PPP2R2B: variants seen among roughly 807,000 people sequenced by gnomAD.
The protein encoded by PPP2R2B is serine/threonine-protein phosphatase 2A 55 kDa regulatory subunit B beta isoform.
In PPP2R2B, 5 loss-of-function variants were observed where a neutral mutation model predicts 46.0. The observed-to-expected ratio is 0.11, with a 90% CI of 0.06 to 0.23. The LOEUF is 0.23. Ranked by LOEUF, PPP2R2B falls within the 10% of genes least tolerant of loss-of-function variation. The pLI is 1.00. For missense variants in PPP2R2B, 367 were observed against 575.0 expected (o/e 0.64, Z 3.70); for synonymous variants, 215 against 206.7 (o/e 1.04, Z -0.34).
At chr5:146,676,871 T>C (rs1777758956) in intron 5 of PPP2R2B, among the ~76,000 whole-genome samples, 2 of 152,194 alleles carry the variant, frequency 1.3e-5, no homozygotes, top group Non-Finnish European at 2.9e-5. Context: ...ATGTTCTTAA[T>C]TGGTTTGACC....
At chr5:146,590,749 G>A (rs565551536) in intron 9 of PPP2R2B, among the ~76,000 whole-genome samples, 75 of 152,238 alleles carry the variant, frequency 4.9e-4, no homozygotes, top group African/African-American at 1.6e-3. Context: ...CATCGTGCAC[G>A]AACCCGGGGC....
intron 2 of PPP2R2B, among the ~76,000 whole-genome samples, chr5:146,803,292 G>GT (rs1756976143): frequency 6.6e-6 from 1 of 152,122 alleles, no homozygotes; most frequent in Non-Finnish European, 1.5e-5. Flanking sequence ...TTAGAACTAT[G>GT]TAAGCCCCAG....
chr5:146,949,010 G>A (rs975320427), intron 1 of PPP2R2B, among the ~76,000 whole-genome samples: 13 of 152,088 alleles, frequency 8.5e-5, no homozygotes, highest in African/African-American at 2.7e-4. Context: ...ATCTGTACTT[G>A]TAACAGAACT....
intron 1 of PPP2R2B, among the ~76,000 whole-genome samples, chr5:146,982,033 AT>A (rs1235285000): frequency 6.6e-6 from 1 of 152,162 alleles, no homozygotes; most frequent in Non-Finnish European, 1.5e-5. Context: ...GGAAAACTAA[AT>A]TCTCCCCAAA....
intron 1 of PPP2R2B, among the ~76,000 whole-genome samples, chr5:147,006,032 A>C (rs1754421338): frequency 6.6e-6 from 1 of 152,178 alleles, no homozygotes; most frequent in East Asian, 1.9e-4. Flanking sequence ...AAAAATCCTT[A>C]ACCCAGCAGG....
intron 2 of PPP2R2B, among the ~76,000 whole-genome samples, chr5:146,833,626 A>T (rs982904274): frequency 6.6e-6 from 1 of 152,122 alleles, no homozygotes; most frequent in Non-Finnish European, 1.5e-5. Flanking sequence ...CAGTTTCTCC[A>T]TTCTCTGAGG....
At chr5:146,621,383 A>T (rs74751699) in intron 7 of PPP2R2B, among the ~76,000 whole-genome samples, 2,234 of 152,302 alleles carry the variant, frequency 0.015, 20 homozygotes, top group Middle Eastern at 0.031. Flanking sequence ...GCTAGGACGT[A>T]AACCCAACTC....
chr5:146,652,401 A>G lies in PPP2R2B; in HGVS notation c.448-1677T>C, dbSNP rs534292978. Among the ~76,000 whole-genome samples, 3 of 152,328 alleles carry G rather than the reference A, an allele frequency of 2.0e-5. No individual in the cohort carries two copies. The South Asian group carries it at 6.2e-4, about 32-fold the overall frequency. ...CAAAGTCCTGGAGTGTTCAACTGGTAAGCAGAACCAGACACAGGTCCTGGC... is the reference window on the plus strand; with the variant it reads ...CAAAGTCCTGGAGTGTTCAACTGGTGAGCAGAACCAGACACAGGTCCTGGC... On this transcript the variant is annotated intron_variant, in intron 5 of 9. Coordinates refer to ENST00000394411, the MANE Select transcript of PPP2R2B (RefSeq NM_181675.4).
At chr5:147,003,249 G>A (rs1283586395) in intron 1 of PPP2R2B, among the ~76,000 whole-genome samples, 2 of 151,778 alleles carry the variant, frequency 1.3e-5, no homozygotes, top group East Asian at 3.9e-4. Context: ...TTAATGATAA[G>A]CCTCCTCTAA....
At chr5:146,823,236 C>T (rs1463733033) in intron 2 of PPP2R2B, among the ~76,000 whole-genome samples, 6 of 151,934 alleles carry the variant, frequency 3.9e-5, no homozygotes, top group South Asian at 2.1e-4. Flanking sequence ...CTTGCTCTGT[C>T]GCCCAGGCTG....
At chr5:146,712,439 A>T (rs762630797) in intron 2 of PPP2R2B, among the ~76,000 whole-genome samples, 6 of 152,230 alleles carry the variant, frequency 3.9e-5, no homozygotes, top group Non-Finnish European at 7.3e-5. Flanking sequence ...CCAATCTTTA[A>T]TAAATATTCA....
At chr5:146,810,794 T>A (rs1757488461) in intron 2 of PPP2R2B, among the ~76,000 whole-genome samples, 1 of 152,052 alleles carries the variant, frequency 6.6e-6, no homozygotes, top group Admixed American at 6.6e-5. Context: ...TACATATGTA[T>A]ACATGTGCCA....
chr5:146,878,624 G>A lies in PPP2R2B; in HGVS notation c.-158C>T. 2 of 1,246,284 alleles carry A rather than the reference G, an allele frequency of 1.6e-6. No individual in the cohort carries two copies. The highest frequency in any genetic ancestry group is 2.1e-6 in the Non-Finnish European group (2 of 967,750). The allele number at this position is 1,246,284 out of a possible 1,614,324, so 77.2% of individuals were successfully genotyped here. A position where few individuals can be genotyped will look rare whatever the true frequency, so the allele number is the denominator to read the frequency against. On this transcript the variant is annotated 5_prime_UTR_variant, in exon 1 of 10. Coordinates refer to ENST00000394411, the MANE Select transcript of PPP2R2B (RefSeq NM_181675.4). This position sits in a 1 kb window ranked among gnomAD's most constrained non-coding sequence, Gnocchi z 4.5. ...AATGAGGGTGCTGGTCCCACGGGAG[G>A]GCGGCTCCGGCAGGCGGGGGTAGGG...
At chr5:146,991,977 T>C (rs887688127) in intron 1 of PPP2R2B, among the ~76,000 whole-genome samples, 5 of 152,138 alleles carry the variant, frequency 3.3e-5, no homozygotes, top group Non-Finnish European at 2.9e-5. Flanking sequence ...ATGGAATCCA[T>C]ATCAAAATTC....
intron 2 of PPP2R2B, among the ~76,000 whole-genome samples, chr5:147,079,080 A>G (rs552755810): frequency 6.6e-6 from 1 of 152,174 alleles, no homozygotes; most frequent in African/African-American, 2.4e-5. Flanking sequence ...TTTAGGTGAC[A>G]TAAAATGGGA....
intron 3 of PPP2R2B, among the ~76,000 whole-genome samples, 154 bp from the exon 4 acceptor site, chr5:146,698,298 GAAA>G (rs779839513): frequency 5.4e-3 from 78 of 14,462 alleles, no homozygotes; most frequent in African/African-American, 0.025. Flanking sequence ...TAGCACCTCT[GAAA>G]AAAAAAAAAA....
chr5:146,694,835 G>GT (rs913941616), intron 4 of PPP2R2B, among the ~76,000 whole-genome samples: 5 of 151,890 alleles, frequency 3.3e-5, no homozygotes, highest in African/African-American at 9.7e-5. Flanking sequence ...TTATGTAACT[G>GT]TTTTTAGTAA....
At chr5:147,076,524 T>G (rs1473129368) in intron 2 of PPP2R2B, among the ~76,000 whole-genome samples, 2 of 152,158 alleles carry the variant, frequency 1.3e-5, no homozygotes, top group Non-Finnish European at 2.9e-5. Flanking sequence ...TTTAAACTTT[T>G]CTACACTGAG....
intron 1 of PPP2R2B, among the ~76,000 whole-genome samples, chr5:147,018,008 G>C: frequency 6.7e-6 from 1 of 149,920 alleles, no homozygotes; most frequent in Non-Finnish European, 1.5e-5. Flanking sequence ...AGGCCCAGAT[G>C]AATTATAGTC....
Sources: gnomAD v4.1 joint callset for allele counts (sites outside exome capture counted in the v4.1 genomes callset) on GRCh38, gnomAD v4.1.1 for gene constraint, Gnocchi (gnomAD v3.1) non-coding constraint, MANE v1.5 for transcripts, NCBI Gene and HGNC (gene_info 2026-07-23, HGNC 2026-07-21) for gene names.